The following TIA1 variants were observed in gnomAD, a reference collection of about 807,000 sequenced individuals.
The protein encoded by TIA1 is TIA1 cytotoxic granule associated RNA binding protein, also known as cytotoxic granule associated RNA binding protein TIA1.
TIA1 carries 23 observed loss-of-function variants against 65.9 expected under a neutral mutation model. That is an observed-to-expected ratio of 0.35 (90% CI 0.25 to 0.49). TIA1 has a LOEUF of 0.49. TIA1 is among the 20% of genes least tolerant of loss of function. The probability of loss-of-function intolerance (pLI) is 0.98; values close to 1 mark genes in which losing one functional copy is unlikely to be tolerated. For synonymous variants in TIA1, 147 were observed against 149.4 expected, an observed-to-expected ratio of 0.98 and a Z score of 0.12; for missense variants, 371 against 477.9, an observed-to-expected ratio of 0.78 and a Z score of 2.09.
chr2:70,230,917 G>A (rs1473459882), intron 2 of TIA1, 63 bp from the exon 3 acceptor site: 4 of 1,309,646 alleles, frequency 3.1e-6, no homozygotes, highest in African/African-American at 1.5e-5. Flanking sequence ...TTAAAATTAT[G>A]TAAAAAAAAA....
rs142729174 is a variant in TIA1 at position 70,228,982 on chromosome 2, T to C, written c.310+77A>G. On this transcript the variant is annotated intron_variant, in intron 5 of 12. Coordinates refer to ENST00000433529, the MANE Select transcript of TIA1 (RefSeq NM_022173.4). ...TCCTCCCGCCCCCCTCCCCCAAATA[T>C]CAAACAAAAAAACTTCAGGTGGTTA... The C allele has an allele frequency of 2.2e-4, 123 of 553,670 alleles. 1 individual carries two copies. In the African/African-American group the frequency reaches 3.3e-3, roughly 15 times the overall value. The allele number at this position is 553,670 out of a possible 1,614,324, so 34.3% of individuals were successfully genotyped here. A position where few individuals can be genotyped will look rare whatever the true frequency, so the allele number is the denominator to read the frequency against.
chr2:70,218,063 C>T (rs561708335), intron 7 of TIA1, among the ~76,000 whole-genome samples: 35 of 152,300 alleles, frequency 2.3e-4, no homozygotes, highest in African/African-American at 8.4e-4. Context: ...TGGTCTCTTA[C>T]ATTCTTTTGT....
chr2:70,227,339 T>A (rs1684262301), intron 6 of TIA1, among the ~76,000 whole-genome samples: 1 of 152,164 alleles, frequency 6.6e-6, no homozygotes, highest in African/African-American at 2.4e-5. Flanking sequence ...TTGTTAAGGT[T>A]TCTTTTTGTT....
chr2:70,238,753 T>C (rs1023374455), intron 1 of TIA1, among the ~76,000 whole-genome samples: 1 of 152,060 alleles, frequency 6.6e-6, no homozygotes, highest in Admixed American at 6.6e-5. Flanking sequence ...GTGATGATCT[T>C]CATTTAAAGG....
intron 7 of TIA1, among the ~76,000 whole-genome samples, chr2:70,218,847 C>T (rs1679914293): frequency 6.6e-6 from 1 of 152,158 alleles, no homozygotes; most frequent in Non-Finnish European, 1.5e-5. Flanking sequence ...GTGTTGGTGG[C>T]CAGGAGCATT....
At chr2:70,245,914 ATTTTTTTTTTTTTTT>A (rs199977940) in intron 1 of TIA1, among the ~76,000 whole-genome samples, 14 of 124,732 alleles carry the variant, frequency 1.1e-4, no homozygotes, top group Non-Finnish European at 9.8e-5. Flanking sequence ...ATTCTACCAG[ATTTTTTTTTTTTTTT>A]TTTTTTTTTT....
intron 7 of TIA1, chr2:70,224,347 T>C: frequency 1.7e-6 from 1 of 582,502 alleles, no homozygotes; most frequent in Middle Eastern, 3.9e-4. Context: ...CTTTACTTTC[T>C]ACATTCTGAA....
intron 6 of TIA1, 22 bp downstream of exon 6, chr2:70,227,713 T>G (rs753258863): frequency 4.4e-5 from 66 of 1,488,102 alleles, no homozygotes; most frequent in Non-Finnish European, 2.8e-6. Context: ...TAAAAGGATT[T>G]TATTTATCTT....
intron 1 of TIA1, among the ~76,000 whole-genome samples, chr2:70,236,750 C>T (rs1487781652): frequency 6.6e-6 from 1 of 152,154 alleles, no homozygotes; most frequent in African/African-American, 2.4e-5. Context: ...CTTCAGCCTC[C>T]CAAGTAGCTG....
At position 70,210,603 on chromosome 2, in the gene TIA1, G is replaced by T. The variant is rs904986924; in HGVS notation, c.*2116C>A. On this transcript the variant is annotated 3_prime_UTR_variant, in exon 13 of 13. Transcript: ENST00000433529. The stretch of plus-strand genomic sequence containing the variant: ...ATTACTGGAGATAGTCAAAATGAAA[G>T]AAAACTATTTAAATTATTTATGCCC... The T allele has an allele frequency of 3.9e-5, 6 of 152,158 alleles. No individual in the cohort carries two copies. Among genetic ancestry groups the T allele is most frequent in the African/African-American group, 1.4e-4 (6 of 41,524 alleles). 9.4% of individuals were successfully genotyped at this position (152,158 alleles called of 1,614,324 possible).
At chr2:70,221,970 G>T (rs1005634085) in intron 7 of TIA1, among the ~76,000 whole-genome samples, 6 of 151,646 alleles carry the variant, frequency 4.0e-5, no homozygotes, top group African/African-American at 1.5e-4. Flanking sequence ...TGTAGAGAAG[G>T]GGTTTTGCCA....
At chr2:70,243,000 T>C (rs1354511376) in intron 1 of TIA1, among the ~76,000 whole-genome samples, 3 of 152,244 alleles carry the variant, frequency 2.0e-5, no homozygotes, top group Non-Finnish European at 2.9e-5. Context: ...TTTATTGCTC[T>C]ATAAATATCT....
chr2:70,236,036 T>C, intron 2 of TIA1, 43 bp downstream of exon 2: 1 of 968,240 alleles, frequency 1.0e-6, no homozygotes, highest in South Asian at 1.7e-5. Context: ...AAGTAATGTG[T>C]AAAAAAAAAA....
In TIA1 at chr2:70,217,303, C is replaced by T. The variant is rs58811598; in HGVS notation, c.475-309G>A. ...TCTCCTGCCTCAGCCTCCTGAGTAG[C>T]GGGGATTACAGGCATCTGCCACCAT... On this transcript the variant is annotated intron_variant, in intron 7 of 12. Coordinates refer to ENST00000433529, the MANE Select transcript of TIA1 (RefSeq NM_022173.4). 1,587 of 190,772 alleles carry T rather than the reference C, an allele frequency of 8.3e-3. 38 individuals are homozygous for T. Among genetic ancestry groups the T allele is most frequent in the African/African-American group, 0.035 (1,524 of 43,068 alleles). 11.8% of individuals were successfully genotyped at this position (190,772 alleles called of 1,614,324 possible). A position where few individuals can be genotyped will look rare whatever the true frequency, so the allele number is the denominator to read the frequency against.
intron 3 of TIA1, 116 bp from the exon 4 acceptor site, chr2:70,229,434 C>T: frequency 2.4e-6 from 2 of 828,076 alleles, no homozygotes; most frequent in Non-Finnish European, 3.8e-6. Flanking sequence ...AAGGAGATAC[C>T]AGCTCTGGTC....
At chr2:70,221,893 T>C (rs1681567032) in intron 7 of TIA1, among the ~76,000 whole-genome samples, 1 of 151,934 alleles carries the variant, frequency 6.6e-6, no homozygotes, top group African/African-American at 2.4e-5. Context: ...GCTCAGGTGA[T>C]TCCCCCACCT....
At chr2:70,217,857 C>A (rs866144889) in intron 7 of TIA1, among the ~76,000 whole-genome samples, 1 of 152,118 alleles carries the variant, frequency 6.6e-6, no homozygotes, top group African/African-American at 2.4e-5. Flanking sequence ...CTGAAAAGGT[C>A]GTGAGCCCGA....
At chr2:70,224,664 A>T in intron 6 of TIA1, 35 bp from the exon 7 acceptor site, 1 of 1,611,048 alleles carries the variant, frequency 6.2e-7, no homozygotes. Context: ...TTAGGTTTGC[A>T]AACTATCCTC....
At chr2:70,229,024 G>T in intron 5 of TIA1, 35 bp downstream of exon 5, 1 of 1,585,872 alleles carries the variant, frequency 6.3e-7, no homozygotes, top group South Asian at 1.1e-5. Context: ...ACCCTTTCAA[G>T]AGATTTCATT....
Sources: allele counts gnomAD v4.1 joint callset (sites outside exome capture counted in the v4.1 genomes callset), GRCh38; gene constraint gnomAD v4.1.1; transcripts MANE v1.5; gene names NCBI Gene and HGNC (gene_info 2026-07-23, HGNC 2026-07-21).